The following TDRD7 variants were observed in gnomAD, a reference collection of about 807,000 sequenced individuals.
The protein encoded by TDRD7 is tudor domain-containing protein 7.
TDRD7 carries 47 observed loss-of-function variants against 109.8 expected under a neutral mutation model. That is an observed-to-expected ratio of 0.43 (90% CI 0.34 to 0.55). The LOEUF (loss-of-function observed/expected upper bound fraction) is 0.55, where lower values mean the gene tolerates loss of function less well. TDRD7 is among the 20% of genes least tolerant of loss of function. The pLI, the probability that TDRD7 is intolerant of heterozygous loss-of-function variation, is 0.03. For missense variants in TDRD7, 1,164 were observed against 1,319.2 expected, an observed-to-expected ratio of 0.88 and a Z score of 1.82; for synonymous variants, 424 against 457.3, an observed-to-expected ratio of 0.93 and a Z score of 0.93.
intron 1 of TDRD7, among the ~76,000 whole-genome samples, chr9:97,420,716 A>T (rs1437822467): frequency 6.6e-6 from 1 of 152,162 alleles, no homozygotes; most frequent in Non-Finnish European, 1.5e-5. Context: ...TTGGGGGGCA[A>T]TTATAAATAA....
chr9:97,436,989 C>G (rs1045086976), intron 4 of TDRD7, among the ~76,000 whole-genome samples: 3 of 152,138 alleles, frequency 2.0e-5, no homozygotes, highest in Non-Finnish European at 2.9e-5. Context: ...CTACTTCCTC[C>G]TCTATCTCCT....
At chr9:97,494,604 T>C (rs1829362797) in intron 16 of TDRD7, among the ~76,000 whole-genome samples, 4 of 151,938 alleles carry the variant, frequency 2.6e-5, no homozygotes, top group Admixed American at 2.0e-4. Context: ...GAAATTTCCA[T>C]ATCTTAATTA....
chr9:97,483,239 A>T lies in TDRD7; in HGVS notation c.2803A>T (p.Ile935Leu). Residue 935 changes from isoleucine (I) to leucine (L), a missense_variant, in exon 15 of 17, where the codon ATA becomes TTA. By Grantham distance (5) the Ile-to-Leu change is conservative. Around this residue, in one of 5 missense-constraint regions of TDRD7, gnomAD observed 162 missense variants for 222.5 expected, o/e 0.73. Transcript: ENST00000355295. ...GYFVIQPWQE[I>L]HKLEVLMEEM... ...CTTCGTCATCCAGCCTTGGCAGGAG[A>T]TACATAAGTTGGAAGTTCTGATGGA... 2.5e-6 allele frequency: 4 copies of T among 1,613,600 alleles called. No homozygotes were observed. Among genetic ancestry groups the T allele is most frequent in the Non-Finnish European group, 3.4e-6 (4 of 1,179,652 alleles).
At chr9:97,479,314 A>C (rs1415900805) in intron 13 of TDRD7, among the ~76,000 whole-genome samples, 1 of 152,144 alleles carries the variant, frequency 6.6e-6, no homozygotes, top group African/African-American at 2.4e-5. Context: ...TATTACAGAG[A>C]AGCTTTTTTC....
Position 97,439,264 on chromosome 9 carries a change from C to A in TDRD7, c.583C>A (p.Leu195Ile). 6.2e-7 allele frequency: 1 copy of A among 1,600,962 alleles called. No individual in the cohort carries two copies. The highest frequency in any genetic ancestry group is 1.1e-5 in the South Asian group (1 of 90,796). ...TNNRFSPKAS[L>I]QPPLQMHLSR... The stretch of plus-strand genomic sequence containing the variant: ...TCTTAGGTTTAGCCCAAAGGCGTCC[C>A]TTCAACCACCTTTGCAGATGCATCT... The change falls in exon 5 of 17, where the codon CTT becomes ATT. Residue 195 changes from leucine to isoleucine, a missense_variant. Around this residue, in one of 5 missense-constraint regions of TDRD7, gnomAD observed 407 missense variants for 394.0 expected, o/e 1.03. Coordinates refer to ENST00000355295, the MANE Select transcript of TDRD7 (RefSeq NM_014290.3).
chr9:97,460,281 C>G lies in TDRD7; in HGVS notation c.959C>G (p.Pro320Arg). ...ELDTEKVPLSPLPGPKQTPPL... is the reference protein window; with the variant it reads ...ELDTEKVPLSRLPGPKQTPPL... ...GATACTGAGAAAGTACCTCTATCCC[C>G]ACTACCTGGTCCCAAACAAACACCA... Residue 320 changes from proline (P) to arginine (R), a missense_variant, in exon 7 of 17, where the codon CCA becomes CGA. Physicochemically the swap from Pro to Arg is moderately radical, Grantham distance 103 (BLOSUM62 -2). Coordinates refer to ENST00000355295, the MANE Select transcript of TDRD7 (RefSeq NM_014290.3). 1 of 1,614,236 alleles carries G rather than the reference C, an allele frequency of 6.2e-7. No individual in the cohort carries two copies. The highest frequency in any genetic ancestry group is 8.5e-7 in the Non-Finnish European group (1 of 1,180,042).
intron 6 of TDRD7, among the ~76,000 whole-genome samples, chr9:97,450,866 CA>C (rs1441563046): frequency 3.3e-5 from 5 of 150,894 alleles, no homozygotes; most frequent in African/African-American, 1.2e-4. Context: ...CTCTGGCATA[CA>C]ATTCCTAAAA....
chr9:97,461,930 T>G lies in TDRD7; in HGVS notation c.1442+1166T>G, dbSNP rs76908757. On this transcript the variant is annotated intron_variant, in intron 7 of 16. Transcript: ENST00000355295. ...GCTCAAAAATTTAAAGCTCTTCCAT[T>G]TGAACAAATGAAATCTGAGTAGATA... Among the ~76,000 whole-genome samples, 1,226 of 152,324 alleles carry G rather than the reference T, an allele frequency of 8.0e-3. 41 individuals carry two copies. The East Asian group carries it at 0.11, about 13-fold the overall frequency.
chr9:97,451,473 G>A (rs1390736564), intron 6 of TDRD7, among the ~76,000 whole-genome samples: 1 of 151,936 alleles, frequency 6.6e-6, no homozygotes, highest in African/African-American at 2.4e-5. Context: ...AAATTTTTTT[G>A]TTGAGATTCT....
chr9:97,436,425 C>T (rs1409480654), intron 4 of TDRD7, among the ~76,000 whole-genome samples: 1 of 152,080 alleles, frequency 6.6e-6, no homozygotes, highest in Non-Finnish European at 1.5e-5. Context: ...TTGTCCTTTA[C>T]ATAATTTTTC....
intron 12 of TDRD7, among the ~76,000 whole-genome samples, chr9:97,477,848 A>T (rs780255868): frequency 8.5e-5 from 13 of 152,212 alleles, no homozygotes; most frequent in Non-Finnish European, 1.8e-4. Context: ...ATTTTATAAT[A>T]AATCACGTCC....
chr9:97,426,716 G>C (rs1828001800), intron 1 of TDRD7, among the ~76,000 whole-genome samples: 1 of 152,120 alleles, frequency 6.6e-6, no homozygotes, highest in Non-Finnish European at 1.5e-5. Context: ...GTCCGTTGTT[G>C]ACTAAAACAC....
intron 1 of TDRD7, among the ~76,000 whole-genome samples, chr9:97,426,090 A>C (rs1425333801): frequency 6.6e-6 from 1 of 152,226 alleles, no homozygotes; most frequent in African/African-American, 2.4e-5. Context: ...TATATAGGTC[A>C]CTTGCCATGA....
chr9:97,495,375 A>G (rs574896434), intron 16 of TDRD7, among the ~76,000 whole-genome samples: 2 of 152,274 alleles, frequency 1.3e-5, no homozygotes, highest in South Asian at 4.1e-4. Flanking sequence ...CATATACTTT[A>G]TGGGGGTTGT....
chr9:97,471,490 A>G (rs1300120811), intron 9 of TDRD7, among the ~76,000 whole-genome samples: 4 of 152,222 alleles, frequency 2.6e-5, no homozygotes, highest in African/African-American at 9.6e-5. Flanking sequence ...GGCATAGGAC[A>G]GGATTTAGGG....
chr9:97,491,198 C>T (rs533450988), intron 16 of TDRD7, among the ~76,000 whole-genome samples: 27 of 152,312 alleles, frequency 1.8e-4, no homozygotes, highest in Non-Finnish European at 3.5e-4. Context: ...CTCCAAAGTG[C>T]TGGGATTACA....
At chr9:97,489,069 G>A (rs147444835) in intron 16 of TDRD7, among the ~76,000 whole-genome samples, 75 of 152,228 alleles carry the variant, frequency 4.9e-4, no homozygotes, top group African/African-American at 1.6e-3. Flanking sequence ...AATGTGGTTC[G>A]TCTTGATGAA....
chr9:97,424,049 CTTTTTTTTTTTTT>C (rs56369544), intron 1 of TDRD7, among the ~76,000 whole-genome samples: 3 of 48,866 alleles, frequency 6.1e-5, no homozygotes, highest in Admixed American at 3.0e-4. Context: ...CTTTTATATT[CTTTTTTTTTTTTT>C]TTTTTTTTTT....
Position 97,482,778 on chromosome 9 carries a change from G to T in TDRD7, c.2413-71G>T, listed in dbSNP as rs571994472. On this transcript the variant is annotated intron_variant, in intron 14 of 16. Transcript: ENST00000355295. ...AAAATACTGTGTTTTAATGATTAAG[G>T]TTACTATAACTGCCTCTCAAAATTT... 71 of 1,522,364 alleles carry T rather than the reference G, an allele frequency of 4.7e-5. 1 individual carries two copies. In the Middle Eastern group the frequency reaches 8.5e-4, roughly 18 times the overall value. 94.3% of individuals were successfully genotyped at this position (1,522,364 alleles called of 1,614,324 possible).
Sources: gnomAD v4.1 joint callset for allele counts (sites outside exome capture counted in the v4.1 genomes callset) on GRCh38, gnomAD v4.1.1 for gene constraint, gnomAD v4.1.1 regional missense constraint, MANE v1.5 for transcripts, NCBI Gene and HGNC (gene_info 2026-07-23, HGNC 2026-07-21) for gene names.